ESR2: variants seen among roughly 807,000 people sequenced by gnomAD.
ESR2 encodes estrogen receptor 2.
In ESR2, 36 loss-of-function variants were observed where a neutral mutation model predicts 49.6. That is an observed-to-expected ratio of 0.73 (90% confidence interval 0.56 to 0.96). The LOEUF is 0.96. Ranked by LOEUF, ESR2 falls within the 40% of genes least tolerant of loss-of-function variation. The pLI, the probability that ESR2 is intolerant of heterozygous loss-of-function variation, is 0.00. For missense variants in ESR2, 714 were observed against 693.0 expected (o/e 1.03, Z -0.34); for synonymous variants, 320 against 266.1 (o/e 1.20, Z -1.97).
chr14:64,260,661 C>T lies in ESR2; in HGVS notation c.740G>A (p.Arg247Lys), dbSNP rs1220163606. The T allele has an allele frequency of 1.9e-6, 3 of 1,606,262 alleles. No individual in the cohort carries two copies. Among genetic ancestry groups the T allele is most frequent in the East Asian group, 2.2e-5 (1 of 44,652 alleles). The change falls in exon 5 of 9, where the codon AGA (arginine) becomes AAA (lysine). Residue 247 changes from arginine to lysine, a missense_variant. By Grantham distance (26) the Arg-to-Lys change is conservative. Transcript: ENST00000341099. ...CACTCGGGGCGCGTGGCCGCCACTTCTCTTGGCCTTGCCGGCACAGTGCAG... is the reference window on the plus strand; with the variant it reads ...CACTCGGGGCGCGTGGCCGCCACTTTTCTTGGCCTTGCCGGCACAGTGCAG... ...EQLHCAGKAKRSGGHAPRVRE... is the reference protein window; with the variant it reads ...EQLHCAGKAKKSGGHAPRVRE...
intron 1 of ESR2, among the ~76,000 whole-genome samples, chr14:64,333,384 T>C (rs1441846532): frequency 6.6e-6 from 1 of 152,196 alleles, no homozygotes; most frequent in African/African-American, 2.4e-5. Flanking sequence ...CTCTAGATCC[T>C]TGACATCGTA....
At chr14:64,296,881 G>A (rs10483774), upstream of ESR2, among the ~76,000 whole-genome samples, 2,495 of 152,304 alleles carry the variant, frequency 0.016, 70 homozygotes, top group East Asian at 0.086. Flanking sequence ...CATCAAGAAA[G>A]ACAATGGTAC....
At chr14:64,247,467 T>A (rs2075887794) in intron 7 of ESR2, among the ~76,000 whole-genome samples, 1 of 152,210 alleles carries the variant, frequency 6.6e-6, no homozygotes, top group African/African-American at 2.4e-5. Flanking sequence ...CATTGAATCT[T>A]GGCTTCAGGA....
At chr14:64,278,272 C>G (rs1449906069) in intron 3 of ESR2, among the ~76,000 whole-genome samples, 1 of 152,090 alleles carries the variant, frequency 6.6e-6, no homozygotes, top group African/African-American at 2.4e-5. Context: ...CTCCATTTCA[C>G]AGAGGAGGAA....
chr14:64,310,746 A>C (rs1272038928), intron 1 of ESR2, among the ~76,000 whole-genome samples: 1 of 152,174 alleles, frequency 6.6e-6, no homozygotes, highest in Non-Finnish European at 1.5e-5. Flanking sequence ...CTGGGATTAC[A>C]GGCATGAGCC....
intron 1 of ESR2, among the ~76,000 whole-genome samples, chr14:64,284,906 G>A (rs1244353044): frequency 5.3e-5 from 8 of 150,152 alleles, no homozygotes; most frequent in Admixed American, 2.0e-4. Flanking sequence ...CTGGAGTGCA[G>A]TGGCGCAATC....
intron 6 of ESR2, among the ~76,000 whole-genome samples, chr14:64,252,711 T>C (rs2076013145): frequency 2.0e-5 from 3 of 152,146 alleles, no homozygotes; most frequent in Admixed American, 6.5e-5. Context: ...GAGAACTCAC[T>C]CACTCTCATG....
intron 1 of ESR2, among the ~76,000 whole-genome samples, chr14:64,308,343 A>G (rs769751788): frequency 6.6e-6 from 1 of 152,192 alleles, no homozygotes. Flanking sequence ...ATTTAGTGCT[A>G]CAAGACTCCC....
In ESR2 at chr14:64,245,289, G is replaced by A. The variant is rs536533043; in HGVS notation, c.1225+4257C>T. Among the ~76,000 whole-genome samples, 18 of 152,026 alleles carry A rather than the reference G, an allele frequency of 1.2e-4. 2 individuals are homozygous for A. Among genetic ancestry groups the A allele is most frequent in the Middle Eastern group, 6.8e-3 (2 of 292 alleles). ...AGCACTTTGGGAGGCCGAGGCAAGC[G>A]GATCACGAGGTCAGGAGTTCGAGAC... On this transcript the variant is annotated intron_variant, in intron 7 of 8. Coordinates refer to ENST00000341099, the MANE Select transcript of ESR2 (RefSeq NM_001437.3).
chr14:64,233,345 G>A (rs2098729147), intron 8 of ESR2, 22 bp from the exon 9 acceptor site: 1 of 1,598,774 alleles, frequency 6.3e-7, no homozygotes, highest in Non-Finnish European at 8.6e-7. Flanking sequence ...AAAAGGTGCT[G>A]AGATTCCCTC....
intron 3 of ESR2, among the ~76,000 whole-genome samples, chr14:64,269,191 G>A (rs540194907): frequency 6.6e-6 from 1 of 152,196 alleles, no homozygotes; most frequent in Non-Finnish European, 1.5e-5. Flanking sequence ...TCCTTTGGAT[G>A]TGGAAAATAA....
chr14:64,329,893 C>T (rs959031779), intron 1 of ESR2: 5 of 152,228 alleles, frequency 3.3e-5, no homozygotes, highest in Non-Finnish European at 7.3e-5. Context: ...AATCCCAGCA[C>T]TTTGGGAGGC....
At position 64,231,628 on chromosome 14, in the gene ESR2, T is replaced by G. The variant is rs1339389630; in HGVS notation, c.*1509A>C. 1 of 152,228 alleles carries G rather than the reference T, an allele frequency of 6.6e-6. No individual in the cohort carries two copies. Among genetic ancestry groups the G allele is most frequent in the Non-Finnish European group, 1.5e-5 (1 of 68,042 alleles). The allele number at this position is 152,228 out of a possible 1,614,324, so 9.4% of individuals were successfully genotyped here. On this transcript the variant is annotated 3_prime_UTR_variant, in exon 9 of 9. Coordinates refer to ENST00000341099, the MANE Select transcript of ESR2 (RefSeq NM_001437.3). ...AGTCTTGGTAACACTGAATGCAGTC[T>G]TCCTAATGACTTAGTAAATACAGGA...
At chr14:64,249,402 T>C in intron 7 of ESR2, 144 bp downstream of exon 7, 2 of 894,936 alleles carry the variant, frequency 2.2e-6, no homozygotes, top group South Asian at 2.0e-5. Context: ...TTTAAATCGC[T>C]ATCAAAATAA....
chr14:64,327,858 G>A (rs181437877), intron 1 of ESR2, among the ~76,000 whole-genome samples: 10 of 151,642 alleles, frequency 6.6e-5, no homozygotes, highest in African/African-American at 2.2e-4. Flanking sequence ...AACAGAGCAA[G>A]CCTCCATCTC....
At chr14:64,302,345 C>G (rs1182981431) in intron 1 of ESR2, among the ~76,000 whole-genome samples, 4 of 152,008 alleles carry the variant, frequency 2.6e-5, no homozygotes, top group Non-Finnish European at 4.4e-5. Flanking sequence ...TGCCACCATG[C>G]CCGGCTAATT....
chr14:64,337,090 T>C (rs1451044965), intron 1 of ESR2, among the ~76,000 whole-genome samples: 1 of 152,218 alleles, frequency 6.6e-6, no homozygotes, highest in South Asian at 2.1e-4. Context: ...TATAGCAGTG[T>C]TCTTGGCACA....
chr14:64,271,901 T>C (rs932542201), intron 3 of ESR2, among the ~76,000 whole-genome samples: 15 of 152,244 alleles, frequency 9.9e-5, no homozygotes, highest in Non-Finnish European at 2.1e-4. Flanking sequence ...CTGATTTCCT[T>C]TCTTTTGGGT....
Position 64,230,225 on chromosome 14 carries a change from CTTA to C in ESR2, c.*2909_*2911del, listed in dbSNP as rs980458234. Among the ~76,000 whole-genome samples the C allele has an allele frequency of 2.0e-5, 3 of 149,442 alleles. No homozygotes were observed. The highest frequency in any genetic ancestry group is 3.0e-5 in the Non-Finnish European group (2 of 67,496). On this transcript the variant is annotated 3_prime_UTR_variant, in exon 9 of 9. Transcript: ENST00000341099. ...AAAAAAAAAAAAAAAGGTGTCAAAT[CTTA>C]TTAAGTGAGGATACTTTGTTTCAAA...
Sources: allele counts gnomAD v4.1 joint callset (sites outside exome capture counted in the v4.1 genomes callset), GRCh38; gene constraint gnomAD v4.1.1; transcripts MANE v1.5; gene names NCBI Gene and HGNC (gene_info 2026-07-23, HGNC 2026-07-21).